The following CLSTN2 variants were observed in gnomAD, a reference collection of about 807,000 sequenced individuals.
CLSTN2 encodes the protein calsyntenin-2.
A neutral mutation model predicts 101.2 loss-of-function variants in CLSTN2; 48 were observed. The ratio of observed to expected loss-of-function variants is 0.47; its 90% CI spans 0.38 to 0.60. CLSTN2 has a LOEUF of 0.60. CLSTN2 is among the 20% of genes least tolerant of loss of function. The probability of loss-of-function intolerance (pLI) is 0.00; values close to 1 mark genes in which losing one functional copy is unlikely to be tolerated. For missense variants in CLSTN2, 1,160 were observed against 1,238.2 expected, an observed-to-expected ratio of 0.94 and a Z score of 0.95; for synonymous variants, 481 against 463.6, an observed-to-expected ratio of 1.04 and a Z score of -0.48.
chr3:139,983,070 C>A (rs1358748593), intron 1 of CLSTN2, among the ~76,000 whole-genome samples: 3 of 151,652 alleles, frequency 2.0e-5, no homozygotes, highest in Admixed American at 2.0e-4. Flanking sequence ...GAAACAAAAG[C>A]AACAAATAAA....
Position 140,133,158 on chromosome 3 carries a change from A to G in CLSTN2, c.110-42793A>G, listed in dbSNP as rs965957651. Among the ~76,000 whole-genome samples, 5 of 152,132 alleles carry G rather than the reference A, an allele frequency of 3.3e-5. No individual in the cohort carries two copies. In the South Asian group the frequency reaches 8.3e-4, roughly 25 times the overall value. On this transcript the variant is annotated intron_variant, in intron 1 of 16. Coordinates refer to ENST00000458420, the MANE Select transcript of CLSTN2 (RefSeq NM_022131.3). ...GGTGTAGACATGTCACATGGTGGGA[A>G]AGGGACCAAGAGAGAGGGAGGGGTG... is the stretch of plus-strand genomic sequence containing the variant.
At chr3:140,393,375 C>T (rs1224085332) in intron 2 of CLSTN2, among the ~76,000 whole-genome samples, 1 of 152,128 alleles carries the variant, frequency 6.6e-6, no homozygotes, top group Non-Finnish European at 1.5e-5. Flanking sequence ...ATATTCAGCC[C>T]CTATATCTTG....
intron 11 of CLSTN2, chr3:140,557,149 T>A (rs2107791626): frequency 6.5e-6 from 1 of 153,744 alleles, no homozygotes; most frequent in East Asian, 1.9e-4. Context: ...AGAGGATTAC[T>A]GAAGCCTTTG....
intron 10 of CLSTN2, among the ~76,000 whole-genome samples, chr3:140,552,974 C>T (rs1935733614): frequency 6.6e-6 from 1 of 152,220 alleles, no homozygotes; most frequent in Non-Finnish European, 1.5e-5. Flanking sequence ...TTGCGAATAC[C>T]TCATAACTAA....
intron 8 of CLSTN2, among the ~76,000 whole-genome samples, chr3:140,529,836 T>A (rs1559895552): frequency 6.6e-6 from 1 of 152,220 alleles, no homozygotes; most frequent in African/African-American, 2.4e-5. Context: ...TGTTGGAGAA[T>A]ATAAATCTTG....
intron 11 of CLSTN2, chr3:140,557,160 G>C (rs935484443): frequency 1.3e-5 from 2 of 152,908 alleles, no homozygotes; most frequent in African/African-American, 4.8e-5. Flanking sequence ...GAAGCCTTTG[G>C]ACAACTCACT....
chr3:140,047,806 A>T (rs1376185309), intron 1 of CLSTN2, among the ~76,000 whole-genome samples: 3 of 152,162 alleles, frequency 2.0e-5, no homozygotes, highest in Non-Finnish European at 4.4e-5. Flanking sequence ...ACATTAATCC[A>T]TTACTCTATG....
chr3:140,043,862 C>T (rs1439994522), intron 1 of CLSTN2, among the ~76,000 whole-genome samples: 1 of 152,114 alleles, frequency 6.6e-6, no homozygotes, highest in Non-Finnish European at 1.5e-5. Context: ...TCTGAGGGCT[C>T]TGTTCTGTTC....
intron 1 of CLSTN2, among the ~76,000 whole-genome samples, chr3:140,036,700 A>G (rs549482836): frequency 6.6e-6 from 1 of 152,038 alleles, no homozygotes; most frequent in Admixed American, 6.6e-5. Context: ...TGTTGTTCTG[A>G]TCACATCAGT....
At chr3:140,527,326 A>G (rs1935164706) in intron 8 of CLSTN2, among the ~76,000 whole-genome samples, 1 of 152,212 alleles carries the variant, frequency 6.6e-6, no homozygotes, top group Non-Finnish European at 1.5e-5. Context: ...ATATGAAAAA[A>G]ATGCCCAACA....
chr3:140,274,899 G>T (rs531844737), intron 2 of CLSTN2, among the ~76,000 whole-genome samples: 1 of 152,190 alleles, frequency 6.6e-6, no homozygotes, highest in Non-Finnish European at 1.5e-5. Flanking sequence ...CACTTCTGGC[G>T]AGCATGGAGG....
intron 1 of CLSTN2, among the ~76,000 whole-genome samples, chr3:140,037,153 A>G (rs925635780): frequency 4.6e-5 from 7 of 152,034 alleles, no homozygotes; most frequent in African/African-American, 1.4e-4. Flanking sequence ...TTGTTTTCAA[A>G]CTTGTAAAAA....
chr3:140,517,016 T>A (rs1934931406), intron 8 of CLSTN2, among the ~76,000 whole-genome samples: 1 of 152,206 alleles, frequency 6.6e-6, no homozygotes, highest in Non-Finnish European at 1.5e-5. Context: ...ACTTAGCTCA[T>A]TTTTTAAAAA....
At chr3:140,517,387 GA>G (rs1559891990) in intron 8 of CLSTN2, among the ~76,000 whole-genome samples, 1 of 152,144 alleles carries the variant, frequency 6.6e-6, no homozygotes, top group African/African-American at 2.4e-5. Context: ...GGGTGTTAAA[GA>G]ACCTTGTTTT....
At chr3:140,296,724 C>T (rs376604173) in intron 2 of CLSTN2, among the ~76,000 whole-genome samples, 7 of 152,200 alleles carry the variant, frequency 4.6e-5, no homozygotes, top group East Asian at 1.9e-4. Flanking sequence ...TTTCTGGCTC[C>T]GACCATCTGT....
At position 140,204,439 on chromosome 3, in the gene CLSTN2, A is replaced by T. The variant is rs572732498; in HGVS notation, c.232+28366A>T. ...GTACCTACCCCACATCCTTGAGGGG[A>T]GTATTAACAAATGAATACATGTAAA... On this transcript the variant is annotated intron_variant, in intron 2 of 16. Transcript: ENST00000458420. Among the ~76,000 whole-genome samples the T allele has an allele frequency of 2.0e-5, 3 of 152,342 alleles. No homozygotes were observed. In the East Asian group the frequency reaches 5.8e-4, roughly 29 times the overall value.
intron 1 of CLSTN2, among the ~76,000 whole-genome samples, chr3:139,948,030 C>G (rs150184696): frequency 2.0e-5 from 3 of 152,204 alleles, no homozygotes; most frequent in African/African-American, 7.2e-5. Context: ...GTCCCAATGG[C>G]CACAGCAACA....
intron 2 of CLSTN2, among the ~76,000 whole-genome samples, chr3:140,360,400 A>G (rs2087717765): frequency 6.6e-6 from 1 of 152,226 alleles, no homozygotes; most frequent in Non-Finnish European, 1.5e-5. Context: ...ATATACTAAA[A>G]TAAAACTGGC....
chr3:140,021,556 G>A (rs1279937140), intron 1 of CLSTN2, among the ~76,000 whole-genome samples: 1 of 152,094 alleles, frequency 6.6e-6, no homozygotes, highest in East Asian at 1.9e-4. Context: ...GGTCTGGGTG[G>A]GTTGTGTGTG....
Sources: allele counts gnomAD v4.1 joint callset (sites outside exome capture counted in the v4.1 genomes callset), GRCh38; gene constraint gnomAD v4.1.1; transcripts MANE v1.5; gene names NCBI Gene and HGNC (gene_info 2026-07-23, HGNC 2026-07-21).